Variants in MAD1L1 observed in about 807,000 individuals in gnomAD.
The protein encoded by MAD1L1 is mitotic spindle assembly checkpoint protein MAD1.
Under a neutral mutation model 96.9 loss-of-function variants are expected in MAD1L1, and 95 were observed. The ratio of observed to expected loss-of-function variants is 0.98; its 90% CI spans 0.83 to 1.16. MAD1L1 has a LOEUF of 1.16. Among genes scored for constraint, MAD1L1 ranks in the 50% most tolerant of loss-of-function variants. The pLI is 0.00. For missense variants in MAD1L1, 1,007 were observed against 954.4 expected (o/e 1.06, Z -0.73); for synonymous variants, 473 against 396.6 (o/e 1.19, Z -2.29).
At chr7:1,817,844 C>G (rs1010574660) in intron 18 of MAD1L1, among the ~76,000 whole-genome samples, 6 of 152,018 alleles carry the variant, frequency 3.9e-5, no homozygotes, top group African/African-American at 9.7e-5. Context: ...CCCTGTCCAC[C>G]GGAGCATGCC....
intron 10 of MAD1L1, among the ~76,000 whole-genome samples, chr7:2,191,081 G>A (rs979058909): frequency 1.3e-5 from 2 of 152,152 alleles, no homozygotes; most frequent in African/African-American, 2.4e-5. Context: ...ATATCCGTTC[G>A]ATATAACAAG....
rs370164272 is a variant in MAD1L1 at position 2,166,128 on chromosome 7, G to A, written c.987-16890C>T. Among the ~76,000 whole-genome samples the A allele has an allele frequency of 6.6e-5, 10 of 152,278 alleles. 1 individual carries two copies. The highest frequency in any genetic ancestry group is 2.4e-4 in the African/African-American group (10 of 41,554). ...AAGTCCACGCCACCACGACTGTGACGTGGTCCATCCAGACCTCGCCTCCCA... is the reference window on the plus strand; with the variant it reads ...AAGTCCACGCCACCACGACTGTGACATGGTCCATCCAGACCTCGCCTCCCA... On this transcript the variant is annotated intron_variant, in intron 10 of 18. Transcript: ENST00000265854.
intron 17 of MAD1L1, among the ~76,000 whole-genome samples, chr7:1,915,197 C>A (rs1788297955): frequency 6.6e-6 from 1 of 152,180 alleles, no homozygotes; most frequent in Non-Finnish European, 1.5e-5. Flanking sequence ...GAGAGATGAA[C>A]CCCCTGCCCT....
intron 10 of MAD1L1, among the ~76,000 whole-genome samples, chr7:2,178,348 C>A (rs1791038206): frequency 6.6e-6 from 1 of 152,184 alleles, no homozygotes; most frequent in Admixed American, 6.5e-5. Context: ...ACAACCAGTG[C>A]CTTACCTGCG....
intron 15 of MAD1L1, among the ~76,000 whole-genome samples, chr7:1,974,865 CA>C (rs1392158094): frequency 1.3e-5 from 2 of 152,210 alleles, no homozygotes; most frequent in Non-Finnish European, 2.9e-5. Flanking sequence ...ACCAGGGGAC[CA>C]GGGGAGGTGG....
chr7:1,982,704 T>C lies in MAD1L1; in HGVS notation c.1417-2163A>G, dbSNP rs542243813. Among the ~76,000 whole-genome samples the C allele has an allele frequency of 3.9e-5, 6 of 152,362 alleles. No homozygotes were observed. In the South Asian group the frequency reaches 1.2e-3, roughly 32 times the overall value. The stretch of plus-strand genomic sequence containing the variant: ...ATTGATACCTTGGGTTTCTTTCCCT[T>C]GTCTACTTTGGATGACTAGTATCTC... On this transcript the variant is annotated intron_variant, in intron 14 of 18. Transcript: ENST00000265854.
intron 17 of MAD1L1, among the ~76,000 whole-genome samples, chr7:1,924,459 C>G (rs914396311): frequency 7.9e-5 from 12 of 152,172 alleles, no homozygotes; most frequent in African/African-American, 2.9e-4. Flanking sequence ...ACCACAGAAG[C>G]CAGAAGATGG....
intron 9 of MAD1L1, 66 bp from the exon 10 acceptor site, chr7:2,213,339 A>C: frequency 6.9e-7 from 1 of 1,449,954 alleles, no homozygotes; most frequent in South Asian, 1.1e-5. Flanking sequence ...TAAGACTGAC[A>C]ATCATGATCA....
chr7:1,887,219 G>T (rs1387170882), intron 18 of MAD1L1, among the ~76,000 whole-genome samples: 3 of 152,360 alleles, frequency 2.0e-5, no homozygotes, highest in Admixed American at 2.0e-4. Flanking sequence ...GTGAGCATGT[G>T]TGTGTGAGCA....
intron 12 of MAD1L1, among the ~76,000 whole-genome samples, chr7:2,020,916 T>C (rs1176403950): frequency 1.4e-5 from 2 of 147,866 alleles, no homozygotes; most frequent in Non-Finnish European, 3.0e-5. Context: ...CTAACCAACA[T>C]AAAAAATGAA....
At chr7:1,830,021 T>C in intron 18 of MAD1L1, among the ~76,000 whole-genome samples, 1 of 152,128 alleles carries the variant, frequency 6.6e-6, no homozygotes, top group East Asian at 1.9e-4. Flanking sequence ...GAGCTTAAAA[T>C]ATCCCAAAAA....
chr7:1,890,708 A>G (rs1786484258), intron 18 of MAD1L1, among the ~76,000 whole-genome samples: 1 of 152,122 alleles, frequency 6.6e-6, no homozygotes. Context: ...CCCCGAAACC[A>G]AGGCCACCTG....
intron 10 of MAD1L1, among the ~76,000 whole-genome samples, chr7:2,181,322 A>G (rs962121670): frequency 2.0e-5 from 3 of 152,210 alleles, no homozygotes; most frequent in African/African-American, 7.2e-5. Flanking sequence ...TACTTGTTTC[A>G]TGACTTTTCT....
intron 17 of MAD1L1, among the ~76,000 whole-genome samples, chr7:1,920,907 A>C (rs1788749954): frequency 6.7e-6 from 1 of 148,426 alleles, no homozygotes; most frequent in Non-Finnish European, 1.5e-5. Flanking sequence ...GATTCACGGG[A>C]CATCCGGTCC....
chr7:1,956,232 G>A (rs895633225), intron 16 of MAD1L1, among the ~76,000 whole-genome samples: 1 of 152,042 alleles, frequency 6.6e-6, no homozygotes, highest in African/African-American at 2.4e-5. Context: ...GGCCACCCTG[G>A]ACGTCCCCCC....
intron 14 of MAD1L1, among the ~76,000 whole-genome samples, chr7:1,984,234 C>CT (rs1003264942): frequency 3.9e-5 from 6 of 152,060 alleles, no homozygotes; most frequent in African/African-American, 7.2e-5. Flanking sequence ...GTGTTAGGAG[C>CT]TTTTTTTTCC....
intron 16 of MAD1L1, among the ~76,000 whole-genome samples, chr7:1,950,280 G>A (rs1283481767): frequency 6.6e-6 from 1 of 151,834 alleles, no homozygotes; most frequent in African/African-American, 2.4e-5. Context: ...ATGTGATAGG[G>A]AAGTGAGAAC....
At chr7:2,073,148 C>T (rs559277833) in intron 11 of MAD1L1, among the ~76,000 whole-genome samples, 3 of 152,358 alleles carry the variant, frequency 2.0e-5, no homozygotes, top group Admixed American at 1.3e-4. Flanking sequence ...GCCCCAAGCC[C>T]GGCCCTCGGC....
At chr7:1,938,740 GCGCA>G (rs1187736410) in intron 16 of MAD1L1, among the ~76,000 whole-genome samples, 5 of 85,972 alleles carry the variant, frequency 5.8e-5, no homozygotes, top group South Asian at 5.3e-4. Context: ...GGCCAGAGGC[GCGCA>G]CGCACACACA....
Sources: gnomAD v4.1 joint callset for allele counts (sites outside exome capture counted in the v4.1 genomes callset) on GRCh38, gnomAD v4.1.1 for gene constraint, MANE v1.5 for transcripts, NCBI Gene and HGNC (gene_info 2026-07-23, HGNC 2026-07-21) for gene names.